Variants in ANKS3 observed in about 807,000 individuals in gnomAD.
The protein encoded by ANKS3 is ankyrin repeat and SAM domain-containing protein 3.
Under a neutral mutation model 80.7 loss-of-function variants are expected in ANKS3, and 62 were observed. The observed-to-expected ratio is 0.77, with a 90% CI of 0.63 to 0.95. ANKS3 has a LOEUF of 0.95. Among genes scored for constraint, ANKS3 ranks in the 40% least tolerant of loss-of-function variants. The pLI is 0.00. For missense variants in ANKS3, 1,150 were observed against 883.6 expected (o/e 1.30, Z -3.82); for synonymous variants, 489 against 355.3 (o/e 1.38, Z -4.23).
chr16:4,702,079 C>G lies in ANKS3; in HGVS notation c.1009+23G>C, dbSNP rs371759109. On this transcript the variant is annotated intron_variant, in intron 9 of 17. Transcript: ENST00000304283. ...TCCAGGACCTGCCTGAGCCACGGGC[C>G]GGATGGGTGGGGGTGCACGTACCCC... is the stretch of plus-strand genomic sequence containing the variant. 4 of 1,557,556 alleles carry G rather than the reference C, an allele frequency of 2.6e-6. No homozygotes were observed. The African/African-American group carries it at 5.5e-5, about 21-fold the overall frequency.
chr16:4,699,372 A>T, intron 11 of ANKS3, 196 bp from the exon 12 acceptor site: 2 of 679,288 alleles, frequency 2.9e-6, no homozygotes, highest in East Asian at 2.8e-5. Context: ...TCCTCACACT[A>T]TGGTCGGCCA....
In ANKS3 at chr16:4,698,444, G is replaced by A. The variant is rs768076620; in HGVS notation, c.1707C>T (p.Leu569=). Residue 569 remains leucine, a synonymous_variant, in exon 14 of 18, where the codon CTC becomes CTT. Transcript: ENST00000304283. Reference sequence around the variant, plus strand: ...CCACTCACCGCAGCTGGTCCAGGACGAGGGCAGCATCCCGGGCCAGGGCCC... The same window carrying A: ...CCACTCACCGCAGCTGGTCCAGGACAAGGGCAGCATCCCGGGCCAGGGCCC... ...ETWALARDAA[L]VLDQLRACQA... 52 of 1,534,718 alleles carry A rather than the reference G, an allele frequency of 3.4e-5. 1 individual carries two copies. Among genetic ancestry groups the A allele is most frequent in the South Asian group, 4.9e-5 (4 of 82,030 alleles).
chr16:4,698,330 C>A (rs2079694236), intron 14 of ANKS3, 97 bp downstream of exon 14: 6 of 1,414,794 alleles, frequency 4.2e-6, no homozygotes, highest in Non-Finnish European at 5.5e-6. Context: ...AAATCCACCC[C>A]TCAGTTACAA....
At chr16:4,724,468 A>C (rs902633723) in intron 6 of ANKS3, among the ~76,000 whole-genome samples, 5 of 152,200 alleles carry the variant, frequency 3.3e-5, no homozygotes, top group Non-Finnish European at 7.3e-5. Context: ...TTTCTAAGTG[A>C]CAGGATTATG....
intron 11 of ANKS3, 60 bp downstream of exon 11, chr16:4,700,910 T>C: frequency 1.9e-6 from 3 of 1,600,668 alleles, no homozygotes; most frequent in Non-Finnish European, 8.5e-7. Context: ...AACACATGCC[T>C]CCTAAGTCAC....
chr16:4,709,642 A>G (rs1478686854), intron 7 of ANKS3, among the ~76,000 whole-genome samples: 1 of 152,216 alleles, frequency 6.6e-6, no homozygotes, highest in Non-Finnish European at 1.5e-5. Context: ...TAAAGAATGA[A>G]ATCTGATCAT....
intron 14 of ANKS3, 110 bp from the exon 15 acceptor site, chr16:4,698,172 G>A (rs2079683812): frequency 7.6e-7 from 1 of 1,308,798 alleles, no homozygotes; most frequent in Admixed American, 2.3e-5. Flanking sequence ...CTTGCAGCTG[G>A]CCCTCATGGG....
intron 1 of ANKS3, among the ~76,000 whole-genome samples, chr16:4,732,351 GC>G (rs1230743607): frequency 6.6e-6 from 1 of 152,022 alleles, no homozygotes; most frequent in East Asian, 1.9e-4. Context: ...TCTCTTCCAC[GC>G]CAAAGGCCTC....
rs1253864668 is a variant in ANKS3 at position 4,710,926 on chromosome 16, G to A, written c.709+3125C>T. Among the ~76,000 whole-genome samples, 3 of 151,898 alleles carry A rather than the reference G, an allele frequency of 2.0e-5. No individual in the cohort carries two copies. The East Asian group carries it at 5.8e-4, about 29-fold the overall frequency. ...TGATTCTCCTGCCTCAGCCTCCAGA[G>A]TAGCTGGCGCACACCACCACATTGG... On this transcript the variant is annotated intron_variant, in intron 7 of 17. Transcript: ENST00000304283.
At chr16:4,700,776 G>A (rs768722503) in intron 11 of ANKS3, 194 bp downstream of exon 11, 3 of 811,962 alleles carry the variant, frequency 3.7e-6, no homozygotes, top group South Asian at 1.3e-5. Context: ...GAGAGGAACA[G>A]AGTAGAAGCG....
At chr16:4,705,926 C>CTTTTTTTTTTTTTT (rs58092936) in intron 7 of ANKS3, among the ~76,000 whole-genome samples, 1 of 149,364 alleles carries the variant, frequency 6.7e-6, no homozygotes, top group Non-Finnish European at 1.5e-5. Flanking sequence ...TTGGAAACAA[C>CTTTTTTTTTTTTTT]TTTTTTTTTT....
chr16:4,697,483 G>C (rs946932338), intron 15 of ANKS3, 67 bp from the exon 16 acceptor site: 22 of 1,327,798 alleles, frequency 1.7e-5, no homozygotes, highest in Middle Eastern at 2.1e-4. Flanking sequence ...GCTTTATTCT[G>C]AGCCCATGCA....
intron 6 of ANKS3, among the ~76,000 whole-genome samples, chr16:4,720,344 CCCAGCT>C (rs758730619): frequency 6.6e-6 from 1 of 150,658 alleles, no homozygotes; most frequent in Non-Finnish European, 1.5e-5. Context: ...TGCCTACAGT[CCCAGCT>C]ACTCGGGAGG....
intron 3 of ANKS3, 53 bp downstream of exon 3, chr16:4,729,927 A>G: frequency 7.2e-7 from 1 of 1,394,970 alleles, no homozygotes; most frequent in East Asian, 2.6e-5. Context: ...GTGGGATCGA[A>G]GCCATCACTG....
chr16:4,715,042 T>C (rs1485017268), intron 6 of ANKS3, among the ~76,000 whole-genome samples: 1 of 105,838 alleles, frequency 9.4e-6, no homozygotes, highest in African/African-American at 3.6e-5. Flanking sequence ...ATATTCACAA[T>C]AATGAAAACC....
chr16:4,699,547 T>C (rs568868097), intron 11 of ANKS3: 2 of 253,426 alleles, frequency 7.9e-6, no homozygotes, highest in South Asian at 5.4e-5. Context: ...GATTTCCACT[T>C]GTCTAAGCGC....
intron 3 of ANKS3, chr16:4,729,664 A>C (rs2081524818): frequency 5.6e-6 from 1 of 177,824 alleles, no homozygotes; most frequent in African/African-American, 2.4e-5. Flanking sequence ...CCAGGCCATC[A>C]CTTTCTGTCT....
chr16:4,704,734 A>C (rs1189578777), intron 8 of ANKS3, among the ~76,000 whole-genome samples: 1 of 152,242 alleles, frequency 6.6e-6, no homozygotes, highest in Non-Finnish European at 1.5e-5. Context: ...TGGGCAGGGC[A>C]GGGAAGTGAA....
intron 7 of ANKS3, among the ~76,000 whole-genome samples, chr16:4,709,592 G>C (rs1343805522): frequency 6.6e-6 from 1 of 152,032 alleles, no homozygotes; most frequent in Non-Finnish European, 1.5e-5. Flanking sequence ...AACGAAGACA[G>C]AAAATGAGTT....
Sources: allele counts gnomAD v4.1 joint callset (sites outside exome capture counted in the v4.1 genomes callset), GRCh38; gene constraint gnomAD v4.1.1; transcripts MANE v1.5; gene names NCBI Gene and HGNC (gene_info 2026-07-23, HGNC 2026-07-21).